The following CRYAB variants were observed in gnomAD, a reference collection of about 807,000 sequenced individuals.
CRYAB encodes alpha-crystallin B chain.
In CRYAB, 9 loss-of-function variants were observed where a neutral mutation model predicts 12.7. The ratio of observed to expected loss-of-function variants is 0.71; its 90% CI spans 0.43 to 1.24. The LOEUF (loss-of-function observed/expected upper bound fraction) is 1.24. CRYAB is among the 50% of genes most tolerant of loss of function. The pLI is 0.00. For synonymous variants in CRYAB, 93 were observed against 86.8 expected (o/e 1.07, Z -0.40); for missense variants, 183 against 226.6 (o/e 0.81, Z 1.24).
intron 1 of CRYAB, among the ~76,000 whole-genome samples, chr11:111,920,905 A>G (rs1298407205): frequency 6.6e-6 from 1 of 152,272 alleles, no homozygotes; most frequent in Non-Finnish European, 1.5e-5. Flanking sequence ...CCTCACATGT[A>G]AAATGTAGAT....
intron 1 of CRYAB, chr11:111,919,053 T>G: frequency 6.2e-7 from 1 of 1,608,886 alleles, no homozygotes; most frequent in Non-Finnish European, 8.5e-7. Context: ...TGTTGGTGGA[T>G]GTAGAGGCCC....
At chr11:111,910,286 A>C in intron 2 of CRYAB, 41 bp downstream of exon 2, 1 of 1,613,300 alleles carries the variant, frequency 6.2e-7, no homozygotes, top group East Asian at 2.2e-5. Flanking sequence ...TACAGTATGC[A>C]CTGAATGAAT....
intron 1 of CRYAB, 132 bp from the exon 2 acceptor site, chr11:111,910,581 C>A: frequency 8.4e-7 from 1 of 1,196,234 alleles, no homozygotes; most frequent in Non-Finnish European, 1.2e-6. Context: ...CTTAAAAAAT[C>A]TCCTTTTTAA....
chr11:111,915,779 G>T (rs1476786109), upstream of CRYAB, among the ~76,000 whole-genome samples: 4 of 152,140 alleles, frequency 2.6e-5, no homozygotes, highest in Admixed American at 2.6e-4. Context: ...GTCTTGTTCT[G>T]TTGCTCAGGA....
upstream of CRYAB, chr11:111,913,285 TCTC>T (rs1965530422): frequency 3.0e-6 from 2 of 670,900 alleles, no homozygotes; most frequent in African/African-American, 1.8e-5. Flanking sequence ...CGAGCTGCCT[TCTC>T]CTCCTAGCTA....
At chr11:111,916,881 CAG>C (rs1191062885), upstream of CRYAB, among the ~76,000 whole-genome samples, 4 of 149,894 alleles carry the variant, frequency 2.7e-5, no homozygotes, top group Admixed American at 2.7e-4. Context: ...TTTTTAGAGA[CAG>C]AGTCTCACTC....
chr11:111,917,280 T>C (rs141686703), upstream of CRYAB, among the ~76,000 whole-genome samples: 480 of 152,218 alleles, frequency 3.2e-3, 4 homozygotes, highest in African/African-American at 0.01. Flanking sequence ...CTGTAGGTGA[T>C]AGGAAATCAT....
At chr11:111,913,705 C>G, upstream of CRYAB, 2 of 1,614,182 alleles carry the variant, frequency 1.2e-6, no homozygotes, top group South Asian at 2.2e-5. Flanking sequence ...TTCTGCCGCA[C>G]CTATGTCCTG....
chr11:111,913,275 C>T, upstream of CRYAB: 1 of 663,312 alleles, frequency 1.5e-6, no homozygotes, highest in East Asian at 2.5e-5. Context: ...TCCCCTCTTC[C>T]GAGCTGCCTT....
rs185492252 is a variant in CRYAB, at chr11:111,922,867, A to G, written c.-199+836T>C. ...TTATACTTATTGCCAATTGCATTCTAGGAGGATTGCACAGATTTTTATTTC... is the reference window on the plus strand; with the variant it reads ...TTATACTTATTGCCAATTGCATTCTGGGAGGATTGCACAGATTTTTATTTC... On this transcript the variant is annotated intron_variant, in intron 1 of 3. Transcript: ENST00000527950. Among the ~76,000 whole-genome samples the G allele has an allele frequency of 7.8e-3, 1,189 of 152,326 alleles. 7 individuals carry two copies. Among genetic ancestry groups the G allele is most frequent in the Middle Eastern group, 0.051 (15 of 294 alleles).
chr11:111,908,697 C>T lies in CRYAB; in HGVS notation c.*67G>A. On this transcript the variant is annotated 3_prime_UTR_variant, in exon 3 of 3. Transcript: ENST00000650687. ...AGCATTAATAAGCTTCAGCACTAGT[C>T]ACAAGACTTTCATTCACTGGTGGGG... The T allele has an allele frequency of 6.5e-7, 1 of 1,527,790 alleles. No individual in the cohort carries two copies. Among genetic ancestry groups the T allele is most frequent in the Non-Finnish European group, 9.1e-7 (1 of 1,104,422 alleles). The allele number at this position is 1,527,790 out of a possible 1,614,324, so 94.6% of individuals were successfully genotyped here. A position where few individuals can be genotyped will look rare whatever the true frequency, so the allele number is the denominator to read the frequency against.
chr11:111,908,992 G>C, intron 2 of CRYAB, 25 bp from the exon 3 acceptor site: 1 of 1,612,844 alleles, frequency 6.2e-7, no homozygotes, highest in Non-Finnish European at 8.5e-7. Context: ...TGAGGAAAGA[G>C]GCAGAGAGAT....
At position 111,910,517 on chromosome 11, in the gene CRYAB, G is replaced by A. The variant is rs919855885; in HGVS notation, c.202-68C>T. On this transcript the variant is annotated intron_variant, in intron 1 of 2. Coordinates refer to ENST00000650687, the MANE Select transcript of CRYAB (RefSeq NM_001289808.2). ...CAAAAATACTGATTACACAGGTGCT[G>A]TCTTATTCTGCAGAGCTGCTTTCTG... 61 of 1,576,998 alleles carry A rather than the reference G, an allele frequency of 3.9e-5. No homozygotes were observed. The South Asian group carries it at 6.0e-4, about 15-fold the overall frequency.
intron 1 of CRYAB, chr11:111,923,639 G>A (rs1479950819): frequency 6.6e-6 from 1 of 152,236 alleles, no homozygotes; most frequent in African/African-American, 2.4e-5. Flanking sequence ...GGGGACCCCA[G>A]GGGCTCAGAA....
upstream of CRYAB, chr11:111,913,765 G>A: frequency 6.2e-7 from 1 of 1,614,164 alleles, no homozygotes; most frequent in Non-Finnish European, 8.5e-7. Flanking sequence ...TCCCATGATG[G>A]CATCTTAAAC....
At chr11:111,921,973 C>T (rs1472781396) in intron 1 of CRYAB, among the ~76,000 whole-genome samples, 1 of 152,184 alleles carries the variant, frequency 6.6e-6, no homozygotes, top group East Asian at 1.9e-4. Flanking sequence ...GCTGGCATTA[C>T]AGGTGCGTGC....
upstream of CRYAB, chr11:111,912,051 A>G: frequency 3.4e-6 from 1 of 294,932 alleles, no homozygotes; most frequent in Non-Finnish European, 6.5e-6. Context: ...GTACAGAGTC[A>G]GGAATCCCAA....
rs534473091 is a variant in CRYAB at position 111,908,925 on chromosome 11, G to A, written c.367C>T (p.Arg123Trp). The A allele has an allele frequency of 1.5e-5, 25 of 1,613,932 alleles. No homozygotes were observed. The highest frequency in any genetic ancestry group is 3.3e-5 in the Admixed American group (2 of 59,982). The change falls in exon 3 of 3, where the codon CGG (arginine) becomes TGG (tryptophan). Residue 123 changes from arginine (R) to tryptophan (W), a missense_variant. Coordinates refer to ENST00000650687, the MANE Select transcript of CRYAB (RefSeq NM_001289808.2). ...AGAGGGTCTACATCAGCTGGGATCC[G>A]GTATTTCCTGTGGAACTCCCTGGAG... ...FISREFHRKY[R>W]IPADVDPLTI...
At chr11:111,912,829 C>T (rs4252586), upstream of CRYAB, 2 of 1,599,508 alleles carry the variant, frequency 1.3e-6, no homozygotes, top group South Asian at 2.3e-5. Context: ...CATCTGCAGC[C>T]ATGTCGGGCC....
Sources: gnomAD v4.1 joint callset for allele counts (sites outside exome capture counted in the v4.1 genomes callset) on GRCh38, gnomAD v4.1.1 for gene constraint, MANE v1.5 for transcripts, NCBI Gene and HGNC (gene_info 2026-07-23, HGNC 2026-07-21) for gene names.